Variants in IDO2 observed in about 807,000 individuals in gnomAD.
IDO2 encodes indoleamine 2,3-dioxygenase 2.
Under a neutral mutation model 45.1 loss-of-function variants are expected in IDO2, and 46 were observed. The ratio of observed to expected loss-of-function variants is 1.02; its 90% confidence interval spans 0.80 to 1.30. The LOEUF is 1.30. Ranked by LOEUF, IDO2 falls within the 50% of genes most tolerant of loss-of-function variation. IDO2 has a pLI of 0.00. For synonymous variants in IDO2, 218 were observed against 184.9 expected, an observed-to-expected ratio of 1.18 and a Z score of -1.45; for missense variants, 544 against 491.8, an observed-to-expected ratio of 1.11 and a Z score of -1.00.
chr8:39,995,317 G>C (rs1480132005), intron 8 of IDO2: 1 of 143,054 alleles, frequency 7.0e-6, no homozygotes, highest in African/African-American at 2.6e-5. Context: ...GTCTTGCTCT[G>C]TTGCCCAGGC....
intron 1 of IDO2, among the ~76,000 whole-genome samples, chr8:39,937,801 G>A (rs984977769): frequency 2.0e-5 from 3 of 152,162 alleles, no homozygotes; most frequent in Admixed American, 2.0e-4. Flanking sequence ...GATTACAGGT[G>A]TGAGCAAACC....
At chr8:39,987,994 T>C (rs1226557289) in intron 7 of IDO2, 24 bp downstream of exon 7, 1 of 1,400,458 alleles carries the variant, frequency 7.1e-7, no homozygotes, top group Non-Finnish European at 1.0e-6. Context: ...TGATAGCACC[T>C]TTTCTTTTTA....
chr8:39,964,648 G>A (rs2729463), intron 3 of IDO2, among the ~76,000 whole-genome samples: 28,804 of 152,214 alleles, frequency 0.19, 2,737 homozygotes, highest in East Asian at 0.27. Context: ...CCTTGTAAAA[G>A]ATGAGTAAGG....
chr8:39,951,057 C>CAAAACAAAACAAAA (rs1807807716), intron 2 of IDO2, among the ~76,000 whole-genome samples: 1 of 151,436 alleles, frequency 6.6e-6, no homozygotes. Context: ...CAAAACAAAA[C>CAAAACAAAACAAAA]AAAACAGCTC....
At chr8:39,964,534 G>A (rs1311255332) in intron 3 of IDO2, among the ~76,000 whole-genome samples, 4 of 152,102 alleles carry the variant, frequency 2.6e-5, no homozygotes, top group South Asian at 2.1e-4. Flanking sequence ...AAAGTTTTCC[G>A]CTCTCCAAAA....
intron 9 of IDO2, among the ~76,000 whole-genome samples, chr8:40,005,761 CT>C (rs1341507592): frequency 6.6e-6 from 1 of 152,104 alleles, no homozygotes; most frequent in Admixed American, 6.6e-5. Flanking sequence ...AGCATCGAAG[CT>C]TTCTTCTAAA....
At chr8:39,976,458 G>T (rs1308612803) in intron 3 of IDO2, among the ~76,000 whole-genome samples, 1 of 152,160 alleles carries the variant, frequency 6.6e-6, no homozygotes, top group Non-Finnish European at 1.5e-5. Flanking sequence ...CTTAAGCTGA[G>T]TGATGAGTAA....
chr8:40,010,713 G>A (rs1047861439), intron 9 of IDO2, among the ~76,000 whole-genome samples: 1 of 152,098 alleles, frequency 6.6e-6, no homozygotes, highest in African/African-American at 2.4e-5. Flanking sequence ...TTCACTGAAA[G>A]AACAGAGACA....
chr8:39,970,870 G>A (rs1166395448), intron 3 of IDO2, among the ~76,000 whole-genome samples: 4 of 148,832 alleles, frequency 2.7e-5, no homozygotes, highest in Non-Finnish European at 4.4e-5. Flanking sequence ...GGGTTCAAGT[G>A]TTTCCCCTGC....
intron 9 of IDO2, among the ~76,000 whole-genome samples, chr8:40,008,045 C>CTTTTT (rs34451617): frequency 9.7e-6 from 1 of 103,320 alleles, no homozygotes; most frequent in African/African-American, 3.9e-5. Context: ...AGCACTGGCA[C>CTTTTT]TTTTTTTTTT....
chr8:39,992,195 T>G (rs1312214420), intron 8 of IDO2, among the ~76,000 whole-genome samples: 1 of 152,172 alleles, frequency 6.6e-6, no homozygotes, highest in Non-Finnish European at 1.5e-5. Flanking sequence ...GCCAATAGAA[T>G]GTAGTATAGG....
intron 6 of IDO2, chr8:39,986,077 G>C (rs964466964): frequency 6.6e-6 from 1 of 152,446 alleles, no homozygotes; most frequent in South Asian, 2.1e-4. Flanking sequence ...TGATCCACCC[G>C]CCTTGGCCTC....
chr8:40,008,006 CTTATCATGTGTT>C lies in IDO2; in HGVS notation c.719+2631_719+2642del, dbSNP rs1802247334. Among the ~76,000 whole-genome samples, 2 of 146,516 alleles carry C rather than the reference CTTATCATGTGTT, an allele frequency of 1.4e-5. 1 individual carries two copies. Among genetic ancestry groups the C allele is most frequent in the African/African-American group, 5.1e-5 (2 of 39,106 alleles). On this transcript the variant is annotated intron_variant, in intron 9 of 10. Coordinates refer to ENST00000502986, the Ensembl canonical transcript of IDO2. ...CAGCTTCTTGAGGCATCCAGTATTC[CTTATCATGTGTT>C]TTTTTTTTTCCATCTCAGCACTGGC... is the stretch of plus-strand genomic sequence containing the variant.
intron 3 of IDO2, among the ~76,000 whole-genome samples, chr8:39,977,717 T>A (rs944255966): frequency 6.6e-6 from 1 of 152,152 alleles, no homozygotes; most frequent in Non-Finnish European, 1.5e-5. Context: ...AAGTAACATC[T>A]CAACAGTACT....
At chr8:39,945,845 A>T (rs1807720164) in intron 1 of IDO2, among the ~76,000 whole-genome samples, 2 of 152,174 alleles carry the variant, frequency 1.3e-5, no homozygotes, top group South Asian at 2.1e-4. Context: ...GATCTAACTT[A>T]ATCGATTCCG....
At chr8:39,978,568 G>A (rs1352666594) in intron 3 of IDO2, among the ~76,000 whole-genome samples, 1 of 152,116 alleles carries the variant, frequency 6.6e-6, no homozygotes, top group Non-Finnish European at 1.5e-5. Context: ...GGTGTGAAAA[G>A]CCCCAGGCAG....
exon 1 of IDO2, chr8:39,935,181 C>T: frequency 1.2e-6 from 2 of 1,613,392 alleles, no homozygotes; most frequent in Non-Finnish European, 1.7e-6. Context: ...ACTTCACCCA[C>T]CAGGCCACCA....
At chr8:39,951,506 T>G (rs921833985) in intron 2 of IDO2, among the ~76,000 whole-genome samples, 2 of 152,194 alleles carry the variant, frequency 1.3e-5, no homozygotes, top group African/African-American at 4.8e-5. Context: ...TAAGTTGCAC[T>G]TAATAGCTCT....
Position 40,005,308 on chromosome 8 carries a change from A to G in IDO2, c.668-19A>G. On this transcript the variant is annotated intron_variant, in intron 8 of 10. Transcript: ENST00000502986. ...TTTCTTTGCCTGTAGTAAAGTTCAC[A>G]TTTTGATTGCTTCTCCAGATTATGT... is the stretch of plus-strand genomic sequence containing the variant. 1.3e-6 allele frequency: 2 copies of G among 1,559,122 alleles called. No homozygotes were observed. Among genetic ancestry groups the G allele is most frequent in the Admixed American group, 1.8e-5 (1 of 56,646 alleles).
Sources: allele counts gnomAD v4.1 joint callset (sites outside exome capture counted in the v4.1 genomes callset), GRCh38; gene constraint gnomAD v4.1.1; transcripts MANE v1.5; gene names NCBI Gene and HGNC (gene_info 2026-07-23, HGNC 2026-07-21).